CCDC85C: variants seen among roughly 807,000 people sequenced by gnomAD.
The protein encoded by CCDC85C is coiled-coil domain containing 85C, also known as coiled-coil domain-containing protein 85C.
Under a neutral mutation model 38.3 loss-of-function variants are expected in CCDC85C, and 18 were observed. The ratio of observed to expected loss-of-function variants is 0.47; its 90% confidence interval spans 0.33 to 0.70. CCDC85C has a LOEUF of 0.70. Ranked by LOEUF, CCDC85C falls within the 30% of genes least tolerant of loss-of-function variation. The pLI, the probability that CCDC85C is intolerant of heterozygous loss-of-function variation, is 0.03. For missense variants in CCDC85C, 566 were observed against 621.2 expected (o/e 0.91, Z 0.94); for synonymous variants, 264 against 293.8 (o/e 0.90, Z 1.04).
At chr14:99,515,776 G>T (rs1038536910) in intron 5 of CCDC85C, among the ~76,000 whole-genome samples, 8 of 152,116 alleles carry the variant, frequency 5.3e-5, no homozygotes, top group Non-Finnish European at 1.0e-4. Flanking sequence ...TGGGCTGGAG[G>T]GTTCCACCTG....
chr14:99,523,259 A>G (rs1897327288), intron 2 of CCDC85C, among the ~76,000 whole-genome samples: 1 of 152,140 alleles, frequency 6.6e-6, no homozygotes, highest in South Asian at 2.1e-4. Context: ...CTGGGGTCCC[A>G]GTTCCACTCA....
chr14:99,581,900 G>A lies in CCDC85C; in HGVS notation c.793+21267C>T, dbSNP rs545955261. 2.8e-4 allele frequency among the ~76,000 whole-genome samples: 42 copies of A among 152,284 alleles called. No individual in the cohort carries two copies. The South Asian group carries it at 4.1e-3, about 15-fold the overall frequency. ...CGTCTTCCCATGACTGACCATTACC[G>A]ACGCATCACGGCAAGTCACTTCCCG... On this transcript the variant is annotated intron_variant, in intron 1 of 5. Transcript: ENST00000380243.
intron 1 of CCDC85C, among the ~76,000 whole-genome samples, chr14:99,582,600 G>C (rs959540709): frequency 1.3e-5 from 2 of 152,092 alleles, no homozygotes; most frequent in African/African-American, 4.8e-5. Context: ...TGGATCACCT[G>C]AGGTCAGGAG....
rs557026578 is a variant in CCDC85C at position 99,535,527 on chromosome 14, C to A, written c.867+488G>T. Among the ~76,000 whole-genome samples, 228 of 152,284 alleles carry A rather than the reference C, an allele frequency of 1.5e-3. 2 individuals carry two copies. The highest frequency in any genetic ancestry group is 5.4e-3 in the African/African-American group (223 of 41,556). ...CCTCCCCCCTACAGCCAACCCCTCCCACGCCGTGCCCCTGCTGCCCAGCTC... is the reference window on the plus strand; with the variant it reads ...CCTCCCCCCTACAGCCAACCCCTCCAACGCCGTGCCCCTGCTGCCCAGCTC... On this transcript the variant is annotated intron_variant, in intron 2 of 5. Coordinates refer to ENST00000380243, the MANE Select transcript of CCDC85C (RefSeq NM_001144995.2). This position sits in a 1 kb window ranked among gnomAD's most constrained non-coding sequence, Gnocchi z 5.5.
intron 1 of CCDC85C, among the ~76,000 whole-genome samples, chr14:99,571,276 C>T (rs986761578): frequency 2.6e-5 from 4 of 152,158 alleles, no homozygotes; most frequent in Non-Finnish European, 4.4e-5. Context: ...CCTCCCCAGG[C>T]CATCTCGCCA....
In CCDC85C at chr14:99,522,229, G is replaced by A. The variant is rs548825050; in HGVS notation, c.879C>T (p.Ser293=). The A allele has an allele frequency of 6.8e-5, 105 of 1,548,838 alleles. No homozygotes were observed. In the East Asian group the frequency reaches 1.4e-3, roughly 21 times the overall value. Residue 293 remains serine (S), a synonymous_variant, in exon 3 of 6, where the codon TCC becomes TCT. Transcript: ENST00000380243. ...GDKLLAQQAG[S]GEFRTLRKGF... is the part of the protein sequence containing the mutation. ...CTTTCCGCAGCGTGCGGAACTCTCC[G>A]GAGCCTGCCTGCTGCAGGGGAGAGA...
In CCDC85C at chr14:99,520,989, G is replaced by T. The variant is rs1897296258; in HGVS notation, c.975+1144C>A. On this transcript the variant is annotated intron_variant, in intron 3 of 5. Transcript: ENST00000380243. The surrounding 1 kb of genome is among the most constrained non-coding windows in gnomAD (Gnocchi z 4.1). ...AGGTGTGCTCTCCAGAGGCCTGCAG[G>T]GAGACAGCATCTGGCGGGCCTGGTA... Among the ~76,000 whole-genome samples the T allele has an allele frequency of 6.6e-6, 1 of 152,250 alleles. No homozygotes were observed. Among genetic ancestry groups the T allele is most frequent in the African/African-American group, 2.4e-5 (1 of 41,468 alleles).
intron 1 of CCDC85C, among the ~76,000 whole-genome samples, chr14:99,554,949 T>C (rs889680719): frequency 6.6e-6 from 1 of 152,222 alleles, no homozygotes; most frequent in East Asian, 1.9e-4. Flanking sequence ...CAGATGGACA[T>C]AGGCCCATGG....
chr14:99,521,938 C>G (rs1027411611), intron 3 of CCDC85C, among the ~76,000 whole-genome samples, 195 bp downstream of exon 3: 1 of 152,226 alleles, frequency 6.6e-6, no homozygotes, highest in South Asian at 2.1e-4. Flanking sequence ...GAGACTGCCC[C>G]GCACCTCCAG....
At chr14:99,532,273 G>A (rs1320507566) in intron 2 of CCDC85C, among the ~76,000 whole-genome samples, 1 of 152,228 alleles carries the variant, frequency 6.6e-6, no homozygotes, top group African/African-American at 2.4e-5. Context: ...CCAGGAGGAT[G>A]GAGACTAAGT....
At position 99,516,578 on chromosome 14, in the gene CCDC85C, G is replaced by A. The variant is rs557710472; in HGVS notation, c.1072-292C>T. Among the ~76,000 whole-genome samples the A allele has an allele frequency of 1.3e-4, 20 of 152,232 alleles. No individual in the cohort carries two copies. The highest frequency in any genetic ancestry group is 3.4e-4 in the African/African-American group (14 of 41,536). On this transcript the variant is annotated intron_variant, in intron 4 of 5. Coordinates refer to ENST00000380243, the MANE Select transcript of CCDC85C (RefSeq NM_001144995.2). This position sits in a 1 kb window ranked among gnomAD's most constrained non-coding sequence, Gnocchi z 5.5. ...GTGGACTCACTGCAACCCAGGGCCCGCTGGAGATGAGTGGGCACTCGCCAC... is the reference window on the plus strand; with the variant it reads ...GTGGACTCACTGCAACCCAGGGCCCACTGGAGATGAGTGGGCACTCGCCAC...
At position 99,501,417 on chromosome 14, in the gene CCDC85C, T is replaced by C. The variant is rs1159106262; in HGVS notation, c.*13829A>G. 6.3e-7 allele frequency: 1 copy of C among 1,579,998 alleles called. No homozygotes were observed. Among genetic ancestry groups the C allele is most frequent in the Non-Finnish European group, 8.7e-7 (1 of 1,151,144 alleles). ...CATGGACATTTGTAAATGACAGGTA[T>C]ACATGTTCAAATGTTGATTAATTAC... On this transcript the variant is annotated 3_prime_UTR_variant, in exon 6 of 6. Transcript: ENST00000380243.
Position 99,510,601 on chromosome 14 carries a change from C to G in CCDC85C, c.*4645G>C. The G allele has an allele frequency of 1.1e-6, 1 of 902,126 alleles. No individual in the cohort carries two copies. The highest frequency in any genetic ancestry group is 1.6e-6 in the Non-Finnish European group (1 of 640,466). 55.9% of individuals were successfully genotyped at this position (902,126 alleles called of 1,614,324 possible). A position where few individuals can be genotyped will look rare whatever the true frequency, so the allele number is the denominator to read the frequency against. Reference sequence around the variant, plus strand: ...TACAACCCCAACTTCCCACCCCCACCCCCACGCCTCCCGCCTACCCACGCA... The same window carrying G: ...TACAACCCCAACTTCCCACCCCCACGCCCACGCCTCCCGCCTACCCACGCA... On this transcript the variant is annotated 3_prime_UTR_variant, in exon 6 of 6. Coordinates refer to ENST00000380243, the MANE Select transcript of CCDC85C (RefSeq NM_001144995.2).
chr14:99,515,862 A>G (rs1458752698), intron 5 of CCDC85C, among the ~76,000 whole-genome samples: 2 of 151,956 alleles, frequency 1.3e-5, no homozygotes, highest in African/African-American at 4.8e-5. Flanking sequence ...CCCGGGGGCC[A>G]GCACCCAGGG....
Position 99,501,326 on chromosome 14 carries a change from A to T in CCDC85C, c.*13920T>A, listed in dbSNP as rs753268667. On this transcript the variant is annotated 3_prime_UTR_variant, in exon 6 of 6. Coordinates refer to ENST00000380243, the MANE Select transcript of CCDC85C (RefSeq NM_001144995.2). ...GCTGCCTGTGAATTTTTCTATTGCT[A>T]TTAATTTACCTTTTTGTCCCCATTT... is the stretch of plus-strand genomic sequence containing the variant. 10 of 1,463,490 alleles carry T rather than the reference A, an allele frequency of 6.8e-6. No individual in the cohort carries two copies. Among genetic ancestry groups the T allele is most frequent in the Non-Finnish European group, 7.7e-6 (8 of 1,045,030 alleles). 90.7% of individuals were successfully genotyped at this position (1,463,490 alleles called of 1,614,324 possible).
Position 99,516,224 on chromosome 14 carries a change from A to G in CCDC85C, c.1134T>C (p.Ser378=), listed in dbSNP as rs372115292. 15 of 1,550,648 alleles carry G rather than the reference A, an allele frequency of 9.7e-6. No individual in the cohort carries two copies. Among genetic ancestry groups the G allele is most frequent in the Non-Finnish European group, 1.3e-5 (15 of 1,146,802 alleles). ...CGCGAACGATGGCCTTCTCCTTCTCACTCAGGTCCTCCTCACAGCTGTCCT... is the reference window on the plus strand; with the variant it reads ...CGCGAACGATGGCCTTCTCCTTCTCGCTCAGGTCCTCCTCACAGCTGTCCT... The part of the protein sequence containing the change: ...QLQDSCEEDL[S]EKEKAIVREM... Residue 378 remains serine, a synonymous_variant, in exon 5 of 6, where the codon AGT becomes AGC. Coordinates refer to ENST00000380243, the MANE Select transcript of CCDC85C (RefSeq NM_001144995.2). This position sits in a 1 kb window ranked among gnomAD's most constrained non-coding sequence, Gnocchi z 5.5.
At chr14:99,555,644 G>T (rs551678998) in intron 1 of CCDC85C, among the ~76,000 whole-genome samples, 1 of 152,292 alleles carries the variant, frequency 6.6e-6, no homozygotes, top group East Asian at 1.9e-4. Flanking sequence ...CCAGGAGAAG[G>T]CCAAGTATTA....
chr14:99,580,063 G>A (rs1367678943), intron 1 of CCDC85C: 1 of 455,714 alleles, frequency 2.2e-6, no homozygotes, highest in Non-Finnish European at 4.4e-6. Flanking sequence ...CTTCCTCTTG[G>A]TCTCACATTC....
chr14:99,535,760 C>T lies in CCDC85C; in HGVS notation c.867+255G>A, dbSNP rs1016339505. 2.6e-5 allele frequency among the ~76,000 whole-genome samples: 4 copies of T among 152,174 alleles called. No individual in the cohort carries two copies. The highest frequency in any genetic ancestry group is 9.7e-5 in the African/African-American group (4 of 41,428). On this transcript the variant is annotated intron_variant, in intron 2 of 5. Coordinates refer to ENST00000380243, the MANE Select transcript of CCDC85C (RefSeq NM_001144995.2). This position sits in a 1 kb window ranked among gnomAD's most constrained non-coding sequence, Gnocchi z 5.5. ...ATTTCTTCATCAACTGGGTGTTGTC[C>T]ACCCTCTCAGGCCCTGGGCCAGCCC...
Sources: gnomAD v4.1 joint callset for allele counts (sites outside exome capture counted in the v4.1 genomes callset) on GRCh38, gnomAD v4.1.1 for gene constraint, Gnocchi (gnomAD v3.1) non-coding constraint, MANE v1.5 for transcripts, NCBI Gene and HGNC (gene_info 2026-07-23, HGNC 2026-07-21) for gene names.